The following PCSK2 variants were observed in gnomAD, a reference collection of about 807,000 sequenced individuals.
The protein encoded by PCSK2 is neuroendocrine convertase 2.
A neutral mutation model predicts 69.7 loss-of-function variants in PCSK2; 14 were observed. The ratio of observed to expected loss-of-function variants is 0.20; its 90% CI spans 0.13 to 0.31. PCSK2 has a LOEUF of 0.31. Ranked by LOEUF, PCSK2 falls within the 10% of genes least tolerant of loss-of-function variation. The pLI is 1.00. For missense variants in PCSK2, 544 were observed against 842.5 expected (o/e 0.65, Z 4.39); for synonymous variants, 307 against 320.7 (o/e 0.96, Z 0.46).
intron 2 of PCSK2, among the ~76,000 whole-genome samples, chr20:17,352,042 T>C (rs111708383): frequency 0.013 from 1,916 of 152,310 alleles, 14 homozygotes; most frequent in East Asian, 0.035. Context: ...CAGTAGCATT[T>C]CTACACGCCA....
chr20:17,254,516 A>T (rs573120265), intron 1 of PCSK2, among the ~76,000 whole-genome samples: 5 of 152,330 alleles, frequency 3.3e-5, no homozygotes, highest in African/African-American at 1.2e-4. Flanking sequence ...TAAGTTGATT[A>T]TCATAAATTA....
At chr20:17,329,741 G>A (rs1332151902) in intron 2 of PCSK2, among the ~76,000 whole-genome samples, 1 of 152,202 alleles carries the variant, frequency 6.6e-6, no homozygotes, top group Non-Finnish European at 1.5e-5. Context: ...TAACTCATTT[G>A]TTTTGATCTT....
chr20:17,470,696 A>C (rs1030807718), intron 11 of PCSK2, among the ~76,000 whole-genome samples: 4 of 152,206 alleles, frequency 2.6e-5, no homozygotes, highest in African/African-American at 9.7e-5. Context: ...GTCTTAATTT[A>C]GGTGAGAAAA....
intron 6 of PCSK2, among the ~76,000 whole-genome samples, chr20:17,419,588 A>T (rs2032077754): frequency 6.6e-6 from 1 of 152,194 alleles, no homozygotes; most frequent in Non-Finnish European, 1.5e-5. Context: ...GCACTCAAAA[A>T]ATATTGACTG....
chr20:17,341,973 C>G (rs1427781667), intron 2 of PCSK2, among the ~76,000 whole-genome samples: 1 of 152,178 alleles, frequency 6.6e-6, no homozygotes, highest in Non-Finnish European at 1.5e-5. Context: ...CAGTGAGAAC[C>G]ATGTGTTCCC....
intron 5 of PCSK2, among the ~76,000 whole-genome samples, chr20:17,371,789 CTATAATT>C (rs919137757): frequency 4.6e-5 from 7 of 152,000 alleles, no homozygotes; most frequent in African/African-American, 1.7e-4. Context: ...TTAGCTCATG[CTATAATT>C]TATTTAAACA....
At chr20:17,479,059 G>C (rs2033342371) in intron 11 of PCSK2, 3 of 1,199,708 alleles carry the variant, frequency 2.5e-6, no homozygotes, top group African/African-American at 1.5e-5. Context: ...TTAAGTTAAT[G>C]GCTTTAACCC....
intron 2 of PCSK2, among the ~76,000 whole-genome samples, chr20:17,351,180 T>C (rs1047883273): frequency 2.0e-5 from 3 of 152,042 alleles, no homozygotes; most frequent in African/African-American, 7.2e-5. Context: ...GGGTAAGGGA[T>C]GGGTAGAGTT....
Position 17,352,779 on chromosome 20 carries a change from A to G in PCSK2, c.283-5548A>G, listed in dbSNP as rs182269211. Among the ~76,000 whole-genome samples the G allele has an allele frequency of 8.3e-4, 127 of 152,346 alleles. 2 individuals are homozygous for G. Among genetic ancestry groups the G allele is most frequent in the Admixed American group, 5.7e-3 (88 of 15,306 alleles). ...AAACCTAGGAAATGCCATTCCAGAC[A>G]TAGGTCTTGGTAAAGATTTCATGAT... On this transcript the variant is annotated intron_variant, in intron 2 of 11. Transcript: ENST00000262545.
intron 2 of PCSK2, among the ~76,000 whole-genome samples, chr20:17,272,313 T>C (rs918207181): frequency 2.6e-5 from 4 of 152,086 alleles, no homozygotes; most frequent in African/African-American, 9.7e-5. Context: ...AAGCTATTCT[T>C]CTATTAGCAC....
At chr20:17,229,831 A>AGACCACG (rs1310864089) in intron 1 of PCSK2, among the ~76,000 whole-genome samples, 5 of 152,178 alleles carry the variant, frequency 3.3e-5, no homozygotes, top group African/African-American at 9.7e-5. Context: ...TACAGACCAC[A>AGACCACG]GTGAGCTTTC....
At chr20:17,448,146 A>G (rs1466687356) in intron 8 of PCSK2, among the ~76,000 whole-genome samples, 1 of 152,256 alleles carries the variant, frequency 6.6e-6, no homozygotes, top group Non-Finnish European at 1.5e-5. Flanking sequence ...AAAAATTACT[A>G]TAATTGTTTA....
At chr20:17,300,066 A>G (rs1047748964) in intron 2 of PCSK2, among the ~76,000 whole-genome samples, 38 of 152,188 alleles carry the variant, frequency 2.5e-4, no homozygotes, top group Admixed American at 2.4e-3. Flanking sequence ...AAAAGGAAGG[A>G]GTGAAATGCT....
intron 1 of PCSK2, among the ~76,000 whole-genome samples, chr20:17,246,083 C>T (rs1356793898): frequency 3.9e-5 from 6 of 152,174 alleles, no homozygotes; most frequent in Non-Finnish European, 8.8e-5. Context: ...ACATGATACT[C>T]TGCACCTAGG....
intron 5 of PCSK2, among the ~76,000 whole-genome samples, chr20:17,402,695 C>T (rs2031666911): frequency 6.7e-6 from 1 of 150,316 alleles, no homozygotes; most frequent in East Asian, 1.9e-4. Context: ...TGGCTCATGC[C>T]TGTAATCCCA....
chr20:17,232,036 CT>C (rs1986159816), intron 1 of PCSK2, among the ~76,000 whole-genome samples: 1 of 152,162 alleles, frequency 6.6e-6, no homozygotes, highest in Non-Finnish European at 1.5e-5. Flanking sequence ...TTTGGTTCTT[CT>C]GATGAACTCA....
At chr20:17,413,725 A>G (rs1399532650) in intron 6 of PCSK2, among the ~76,000 whole-genome samples, 1 of 152,246 alleles carries the variant, frequency 6.6e-6, no homozygotes, top group Non-Finnish European at 1.5e-5. Context: ...TCAACAGAAT[A>G]TACATTCTTC....
chr20:17,312,993 A>G (rs1989563984), intron 2 of PCSK2, among the ~76,000 whole-genome samples: 1 of 152,206 alleles, frequency 6.6e-6, no homozygotes, highest in Admixed American at 6.5e-5. Context: ...TTCACCATCA[A>G]GATGAATGCT....
At chr20:17,310,366 TAAAC>T (rs903037890) in intron 2 of PCSK2, among the ~76,000 whole-genome samples, 5 of 152,300 alleles carry the variant, frequency 3.3e-5, no homozygotes, top group African/African-American at 1.2e-4. Flanking sequence ...TTGATGATAA[TAAAC>T]AATCATGATA....
Sources: allele counts gnomAD v4.1 joint callset (sites outside exome capture counted in the v4.1 genomes callset), GRCh38; gene constraint gnomAD v4.1.1; transcripts MANE v1.5; gene names NCBI Gene and HGNC (gene_info 2026-07-23, HGNC 2026-07-21).